SHISA9: variants seen among roughly 807,000 people sequenced by gnomAD.
SHISA9 encodes shisa family member 9.
Under a neutral mutation model 38.0 loss-of-function variants are expected in SHISA9, and 13 were observed. The ratio of observed to expected loss-of-function variants is 0.34; its 90% CI spans 0.22 to 0.54. SHISA9 has a LOEUF of 0.54. Among genes scored for constraint, SHISA9 ranks in the 20% least tolerant of loss-of-function variants. The pLI, the probability that SHISA9 is intolerant of heterozygous loss-of-function variation, is 0.91. For synonymous variants in SHISA9, 275 were observed against 242.0 expected (o/e 1.14, Z -1.27); for missense variants, 538 against 575.8 (o/e 0.93, Z 0.67).
At chr16:13,253,830 G>A in the SHISA9 span, among the ~76,000 whole-genome samples, 4 of 152,124 alleles carry the variant, frequency 2.6e-5, no homozygotes, top group African/African-American at 9.7e-5. Flanking sequence ...AGGTCAAAAG[G>A]TGACACATTT....
chr16:13,444,982 CTATATATATATATA>C, the SHISA9 span, among the ~76,000 whole-genome samples: 5,939 of 105,984 alleles, frequency 0.056, 252 homozygotes, highest in Middle Eastern at 0.13. Context: ...CCATGCCTAG[CTATATATATATATA>C]TATATATATA....
At chr16:13,368,518 A>G in the SHISA9 span, among the ~76,000 whole-genome samples, 10 of 152,168 alleles carry the variant, frequency 6.6e-5, no homozygotes, top group African/African-American at 2.4e-4. Context: ...GGGGTTTTGT[A>G]GGAATGAAGA....
chr16:13,044,723 G>A (rs2073167608), intron 2 of SHISA9, among the ~76,000 whole-genome samples: 1 of 152,288 alleles, frequency 6.6e-6, no homozygotes, highest in East Asian at 1.9e-4. Flanking sequence ...GCGTTGCTCA[G>A]GGGATTAAAC....
the SHISA9 span, among the ~76,000 whole-genome samples, chr16:13,539,579 T>A: frequency 6.6e-6 from 1 of 152,058 alleles, no homozygotes; most frequent in Non-Finnish European, 1.5e-5. Context: ...TTGAATAAAA[T>A]CATGATTTGG....
chr16:13,028,043 C>T (rs1034102180), intron 2 of SHISA9, among the ~76,000 whole-genome samples: 18 of 150,172 alleles, frequency 1.2e-4, no homozygotes, highest in Admixed American at 8.6e-4. Context: ...ACGGTGGCTG[C>T]TTGGGGCTGG....
At chr16:13,448,378 A>T in the SHISA9 span, among the ~76,000 whole-genome samples, 2 of 152,204 alleles carry the variant, frequency 1.3e-5, no homozygotes, top group Non-Finnish European at 2.9e-5. Flanking sequence ...CCTGATCATT[A>T]TGCCTCTTAG....
intron 2 of SHISA9, among the ~76,000 whole-genome samples, chr16:13,014,846 A>T (rs2072722303): frequency 6.6e-6 from 1 of 152,030 alleles, no homozygotes. Context: ...CTTCAAAGAC[A>T]CTCCTGTGAT....
intron 1 of SHISA9, among the ~76,000 whole-genome samples, chr16:12,907,515 A>G (rs1400428118): frequency 2.6e-5 from 4 of 152,084 alleles, no homozygotes; most frequent in Admixed American, 6.5e-5. Flanking sequence ...ACATTTTCCT[A>G]CACAGCACAA....
chr16:13,153,905 C>T (rs986101675), intron 2 of SHISA9, among the ~76,000 whole-genome samples: 5 of 130,446 alleles, frequency 3.8e-5, no homozygotes, highest in South Asian at 5.2e-4. Context: ...CCAACAAGCA[C>T]GTGGCTGAAG....
intron 2 of SHISA9, among the ~76,000 whole-genome samples, chr16:13,019,947 CTT>C (rs1387003505): frequency 7.1e-5 from 7 of 98,948 alleles, no homozygotes; most frequent in Non-Finnish European, 8.7e-5. Context: ...TTCTTTCTTT[CTT>C]TCTTTCTTTC....
chr16:13,498,214 A>T, the SHISA9 span, among the ~76,000 whole-genome samples: 1 of 152,166 alleles, frequency 6.6e-6, no homozygotes, highest in South Asian at 2.1e-4. Flanking sequence ...GATACCAAAA[A>T]AATCAGTTTC....
chr16:12,903,366 C>T (rs930323461), intron 1 of SHISA9, among the ~76,000 whole-genome samples: 1 of 152,194 alleles, frequency 6.6e-6, no homozygotes, highest in Admixed American at 6.5e-5. Context: ...GGCCCGAGCC[C>T]CCTCCTCGCG....
chr16:12,998,215 G>A (rs2072482139), intron 2 of SHISA9, among the ~76,000 whole-genome samples: 1 of 152,318 alleles, frequency 6.6e-6, no homozygotes, highest in East Asian at 1.9e-4. Flanking sequence ...TAGGGAAGCA[G>A]GTTTACTTCA....
At chr16:13,292,857 T>G in the SHISA9 span, among the ~76,000 whole-genome samples, 2 of 152,220 alleles carry the variant, frequency 1.3e-5, no homozygotes, top group East Asian at 1.9e-4. Context: ...ATGAGGGCAC[T>G]GCTTCCTTGA....
chr16:13,257,628 A>G, the SHISA9 span, among the ~76,000 whole-genome samples: 3 of 152,198 alleles, frequency 2.0e-5, no homozygotes, highest in African/African-American at 7.2e-5. Context: ...CACTTCTGCC[A>G]GTTTAAATAC....
chr16:13,019,487 AT>A (rs2072797228), intron 2 of SHISA9, among the ~76,000 whole-genome samples: 1 of 151,868 alleles, frequency 6.6e-6, no homozygotes, highest in African/African-American at 2.4e-5. Flanking sequence ...TAAAAAAATT[AT>A]TATTGTGGTT....
Position 13,203,380 on chromosome 16 carries a change from GTCT to G in SHISA9, c.692-11_692-9del. ...CCTGTCTGTGACAATCTCCTTCTGT[GTCT>G]TCACTTCCAGATGCCACCCAGATGA... is the stretch of plus-strand genomic sequence containing the variant. On this transcript the variant is annotated splice_polypyrimidine_tract_variant and intron_variant, in intron 2 of 4. Transcript: ENST00000558583. The G allele has an allele frequency of 6.6e-7, 1 of 1,517,626 alleles. No homozygotes were observed. The highest frequency in any genetic ancestry group is 8.8e-7 in the Non-Finnish European group (1 of 1,132,768). The allele number at this position is 1,517,626 out of a possible 1,614,324, so 94.0% of individuals were successfully genotyped here.
chr16:13,050,745 C>G (rs1331960897), intron 2 of SHISA9, among the ~76,000 whole-genome samples: 2 of 152,200 alleles, frequency 1.3e-5, no homozygotes, highest in African/African-American at 4.8e-5. Context: ...ACCTGTCTCT[C>G]CTCATCCCCT....
the SHISA9 span, among the ~76,000 whole-genome samples, chr16:13,289,740 A>G: frequency 6.6e-6 from 1 of 152,064 alleles, no homozygotes; most frequent in Non-Finnish European, 1.5e-5. Context: ...AATTTCTGGG[A>G]GCATTGAGTT....
Sources: allele counts gnomAD v4.1 joint callset (sites outside exome capture counted in the v4.1 genomes callset), GRCh38; gene constraint gnomAD v4.1.1; transcripts MANE v1.5; gene names NCBI Gene and HGNC (gene_info 2026-07-23, HGNC 2026-07-21).